Variants in PTPRT observed in about 807,000 individuals in gnomAD.
PTPRT encodes the protein protein tyrosine phosphatase receptor type T.
In PTPRT, 56 loss-of-function variants were observed where a neutral mutation model predicts 176.8. The observed-to-expected ratio is 0.32, with a 90% CI of 0.26 to 0.40. The LOEUF (loss-of-function observed/expected upper bound fraction) is 0.40. PTPRT is among the 10% of genes least tolerant of loss of function. The pLI, the probability that PTPRT is intolerant of heterozygous loss-of-function variation, is 1.00. For missense variants in PTPRT, 1,540 were observed against 1,908.2 expected, an observed-to-expected ratio of 0.81 and a Z score of 3.60; for synonymous variants, 783 against 739.0, an observed-to-expected ratio of 1.06 and a Z score of -0.96.
At chr20:42,112,201 G>A (rs1278108137) in intron 22 of PTPRT, among the ~76,000 whole-genome samples, 2 of 152,220 alleles carry the variant, frequency 1.3e-5, no homozygotes, top group Non-Finnish European at 2.9e-5. Flanking sequence ...ATTCAGGTGG[G>A]TGGATCGGGG....
intron 2 of PTPRT, among the ~76,000 whole-genome samples, chr20:42,861,846 C>A (rs917569947): frequency 6.6e-6 from 1 of 151,756 alleles, no homozygotes; most frequent in Non-Finnish European, 1.5e-5. Context: ...AGGAGAGAGC[C>A]TGGTGTGGTT....
chr20:42,628,998 G>A (rs2074351276), intron 7 of PTPRT, among the ~76,000 whole-genome samples: 1 of 152,144 alleles, frequency 6.6e-6, no homozygotes, highest in South Asian at 2.1e-4. Flanking sequence ...TAACTCAAAA[G>A]GCCATAATTC....
chr20:42,255,866 A>G (rs1269023685), intron 13 of PTPRT, among the ~76,000 whole-genome samples: 1 of 152,224 alleles, frequency 6.6e-6, no homozygotes, highest in African/African-American at 2.4e-5. Context: ...CCCGGCTCTC[A>G]GGGACACTAT....
At chr20:42,667,808 TG>T (rs1427601821) in intron 7 of PTPRT, among the ~76,000 whole-genome samples, 1 of 152,206 alleles carries the variant, frequency 6.6e-6, no homozygotes, top group Non-Finnish European at 1.5e-5. Context: ...GGTGCCACTT[TG>T]CTTCCAGGCA....
At chr20:43,160,871 T>C (rs2014674600) in intron 1 of PTPRT, among the ~76,000 whole-genome samples, 1 of 151,628 alleles carries the variant, frequency 6.6e-6, no homozygotes, top group Non-Finnish European at 1.5e-5. Context: ...ACTCACCTTG[T>C]GATAGCAATT....
intron 8 of PTPRT, among the ~76,000 whole-genome samples, chr20:42,453,415 T>C (rs962073727): frequency 6.8e-6 from 1 of 147,292 alleles, no homozygotes; most frequent in Non-Finnish European, 1.5e-5. Context: ...TTTTGTATTG[T>C]ATTAAAAAGT....
chr20:42,672,615 C>T (rs1445480564), intron 7 of PTPRT, among the ~76,000 whole-genome samples: 3 of 152,184 alleles, frequency 2.0e-5, no homozygotes, highest in Admixed American at 6.5e-5. Flanking sequence ...ATCATCTGTA[C>T]AGTTTCTGGT....
chr20:43,180,304 A>G (rs2015218199), intron 1 of PTPRT, among the ~76,000 whole-genome samples: 1 of 145,018 alleles, frequency 6.9e-6, no homozygotes, highest in Non-Finnish European at 1.5e-5. Flanking sequence ...CTCGGCCTCT[A>G]AACCTGCATG....
intron 7 of PTPRT, among the ~76,000 whole-genome samples, chr20:42,611,573 A>G (rs745836496): frequency 4.3e-4 from 65 of 150,168 alleles, no homozygotes; most frequent in Non-Finnish European, 7.5e-4. Context: ...GTCCACTCTC[A>G]GGCCCGTCAC....
At chr20:42,929,470 T>C (rs1301139111) in intron 1 of PTPRT, among the ~76,000 whole-genome samples, 2 of 152,270 alleles carry the variant, frequency 1.3e-5, no homozygotes, top group East Asian at 1.9e-4. Flanking sequence ...AGAAAGTGCA[T>C]TAATCATCTC....
intron 1 of PTPRT, among the ~76,000 whole-genome samples, chr20:43,079,755 G>C (rs1224707882): frequency 3.9e-5 from 6 of 152,016 alleles, no homozygotes; most frequent in Non-Finnish European, 7.4e-5. Flanking sequence ...TACTGCTAAG[G>C]GTTGGTCGGT....
intron 9 of PTPRT, among the ~76,000 whole-genome samples, chr20:42,425,867 G>A (rs139047618): frequency 1.3e-4 from 20 of 152,280 alleles, no homozygotes; most frequent in East Asian, 1.2e-3. Context: ...GCAAATCAGC[G>A]TTATCAATGT....
intron 11 of PTPRT, among the ~76,000 whole-genome samples, chr20:42,334,294 C>T (rs2058009537): frequency 6.6e-6 from 1 of 152,132 alleles, no homozygotes. Context: ...GCCAGTATCA[C>T]CTCCGACTTG....
chr20:42,181,124 A>G (rs1990504247), intron 16 of PTPRT, among the ~76,000 whole-genome samples: 2 of 152,212 alleles, frequency 1.3e-5, no homozygotes, highest in African/African-American at 4.8e-5. Context: ...CCATTTAAAT[A>G]CAATATGATA....
intron 8 of PTPRT, among the ~76,000 whole-genome samples, chr20:42,454,910 T>C (rs1323292743): frequency 6.6e-6 from 1 of 152,198 alleles, no homozygotes; most frequent in Non-Finnish European, 1.5e-5. Flanking sequence ...GTTCTCCACG[T>C]AGAAGAAGCA....
chr20:43,031,129 A>T (rs1366464883), intron 1 of PTPRT, among the ~76,000 whole-genome samples: 1 of 152,180 alleles, frequency 6.6e-6, no homozygotes, highest in South Asian at 2.1e-4. Context: ...TCTCACATCA[A>T]CCAGGCTTTG....
intron 15 of PTPRT, among the ~76,000 whole-genome samples, chr20:42,228,483 A>G (rs1455351246): frequency 6.6e-6 from 1 of 152,224 alleles, no homozygotes; most frequent in East Asian, 1.9e-4. Context: ...ATATCTATTA[A>G]TATCTCATTG....
intron 1 of PTPRT, among the ~76,000 whole-genome samples, chr20:43,029,548 C>T (rs1441511918): frequency 6.6e-6 from 1 of 152,222 alleles, no homozygotes; most frequent in Non-Finnish European, 1.5e-5. Context: ...CGGGGTATCA[C>T]TTGTATATGG....
chr20:42,569,011 G>T (rs2073096829), intron 7 of PTPRT, among the ~76,000 whole-genome samples: 1 of 117,896 alleles, frequency 8.5e-6, no homozygotes, highest in Admixed American at 1.1e-4. Context: ...TCGTGCCACT[G>T]CACTCCAGCC....
Sources: gnomAD v4.1 joint callset for allele counts (sites outside exome capture counted in the v4.1 genomes callset) on GRCh38, gnomAD v4.1.1 for gene constraint, MANE v1.5 for transcripts, NCBI Gene and HGNC (gene_info 2026-07-23, HGNC 2026-07-21) for gene names.